Variants in CDH18 observed in about 807,000 individuals in gnomAD.
CDH18 encodes the protein cadherin 18.
A neutral mutation model predicts 67.9 loss-of-function variants in CDH18; 31 were observed. That is an observed-to-expected ratio of 0.46 (90% confidence interval 0.34 to 0.62). CDH18 has a LOEUF of 0.62. Ranked by LOEUF, CDH18 falls within the 20% of genes least tolerant of loss-of-function variation. The pLI is 0.01. For synonymous variants in CDH18, 362 were observed against 347.2 expected (o/e 1.04, Z -0.48); for missense variants, 890 against 975.5 (o/e 0.91, Z 1.17).
intron 1 of CDH18, among the ~76,000 whole-genome samples, chr5:20,505,059 G>T (rs975841471): frequency 2.0e-5 from 3 of 151,430 alleles, no homozygotes; most frequent in African/African-American, 2.4e-5. Flanking sequence ...CGGCCATCGC[G>T]CCTGGCCACA....
At chr5:19,680,293 C>T (rs923648740) in intron 5 of CDH18, among the ~76,000 whole-genome samples, 3 of 151,964 alleles carry the variant, frequency 2.0e-5, no homozygotes, top group African/African-American at 7.2e-5. Flanking sequence ...GAATTAAATA[C>T]TTAAATGTAA....
chr5:19,757,211 T>C, intron 3 of CDH18, among the ~76,000 whole-genome samples: 1 of 152,200 alleles, frequency 6.6e-6, no homozygotes, highest in Admixed American at 6.5e-5. Context: ...ATGGTAGTCT[T>C]GGCAAAAGCA....
intron 1 of CDH18, among the ~76,000 whole-genome samples, chr5:20,519,025 G>T (rs1348150831): frequency 2.6e-5 from 4 of 152,038 alleles, no homozygotes; most frequent in Non-Finnish European, 4.4e-5. Flanking sequence ...AACAGAAAAA[G>T]CCAAAAATGC....
intron 1 of CDH18, among the ~76,000 whole-genome samples, chr5:20,489,175 T>C (rs1419333813): frequency 1.3e-5 from 2 of 152,098 alleles, no homozygotes; most frequent in African/African-American, 4.8e-5. Flanking sequence ...ATTTTGATTT[T>C]GTAAACACAA....
intron 2 of CDH18, among the ~76,000 whole-genome samples, chr5:20,204,758 G>A (rs898920081): frequency 1.3e-5 from 2 of 151,858 alleles, no homozygotes; most frequent in South Asian, 4.1e-4. Flanking sequence ...AATTGTATGG[G>A]GGAGCTGAAG....
At chr5:20,408,465 A>G (rs1307984642) in intron 1 of CDH18, among the ~76,000 whole-genome samples, 1 of 152,018 alleles carries the variant, frequency 6.6e-6, no homozygotes, top group Non-Finnish European at 1.5e-5. Context: ...TTTTGAGGGA[A>G]GAAGTAAAAT....
At chr5:20,232,362 A>G (rs748280336) in intron 2 of CDH18, among the ~76,000 whole-genome samples, 1 of 152,168 alleles carries the variant, frequency 6.6e-6, no homozygotes, top group Non-Finnish European at 1.5e-5. Flanking sequence ...CTTATTTGAA[A>G]TAAACATAAC....
intron 1 of CDH18, among the ~76,000 whole-genome samples, chr5:20,360,541 A>T (rs1314110254): frequency 6.6e-6 from 1 of 152,166 alleles, no homozygotes; most frequent in East Asian, 1.9e-4. Context: ...GCAACATTTT[A>T]AATAAGACAC....
chr5:19,741,932 A>C (rs1769263794), intron 4 of CDH18, among the ~76,000 whole-genome samples: 1 of 152,202 alleles, frequency 6.6e-6, no homozygotes, highest in Non-Finnish European at 1.5e-5. Flanking sequence ...ACAACAAAGA[A>C]TTATCCAGTC....
chr5:19,611,949 CGT>C (rs3062879), intron 6 of CDH18, among the ~76,000 whole-genome samples: 11,623 of 138,968 alleles, frequency 0.084, 716 homozygotes, highest in East Asian at 0.24. Context: ...TTGGATGATG[CGT>C]GTGTGTGTGT....
intron 5 of CDH18, among the ~76,000 whole-genome samples, chr5:19,615,152 GA>G (rs10585212): frequency 0.65 from 93,724 of 144,408 alleles, 30,237 homozygotes; most frequent in South Asian, 0.75. Context: ...TCTCAAAAAA[GA>G]AAAAAAAAAA....
intron 5 of CDH18, among the ~76,000 whole-genome samples, chr5:19,626,314 A>T (rs557114790): frequency 6.6e-6 from 1 of 152,348 alleles, no homozygotes; most frequent in East Asian, 1.9e-4. Flanking sequence ...AAGGGCCTGA[A>T]GTCACTCAAG....
intron 3 of CDH18, among the ~76,000 whole-genome samples, chr5:19,775,385 A>G (rs1234513436): frequency 2.0e-5 from 3 of 152,050 alleles, no homozygotes; most frequent in Admixed American, 6.6e-5. Flanking sequence ...CAGGCTGTAC[A>G]GGAAGCATAG....
In CDH18 at chr5:19,624,027, G is replaced by A. The variant is rs553321595; in HGVS notation, c.644-11426C>T. 1.2e-4 allele frequency among the ~76,000 whole-genome samples: 13 copies of A among 104,686 alleles called. No individual in the cohort carries two copies. In the East Asian group the frequency reaches 3.8e-3, roughly 30 times the overall value. 68.7% of individuals were successfully genotyped at this position (104,686 alleles called of 152,430 possible). A position where few individuals can be genotyped will look rare whatever the true frequency, so the allele number is the denominator to read the frequency against. Reference sequence around the variant, plus strand: ...TTATTATTATTATTATTATTATTGAGATGGAGTTTCACTCTTGTTCCCCCA... The same window carrying A: ...TTATTATTATTATTATTATTATTGAAATGGAGTTTCACTCTTGTTCCCCCA... On this transcript the variant is annotated intron_variant, in intron 5 of 12. Transcript: ENST00000382275.
intron 1 of CDH18, among the ~76,000 whole-genome samples, chr5:20,270,443 C>T (rs1047221511): frequency 6.6e-6 from 1 of 152,086 alleles, no homozygotes; most frequent in Non-Finnish European, 1.5e-5. Context: ...CATAATTTCA[C>T]ACCAGTCAGA....
chr5:19,772,524 C>T (rs1773848755), intron 3 of CDH18, among the ~76,000 whole-genome samples: 1 of 152,138 alleles, frequency 6.6e-6, no homozygotes, highest in African/African-American at 2.4e-5. Context: ...ACAGAATCTC[C>T]TTTAGAGTCT....
At chr5:20,381,297 T>G (rs1743888648) in intron 1 of CDH18, among the ~76,000 whole-genome samples, 1 of 152,112 alleles carries the variant, frequency 6.6e-6, no homozygotes. Flanking sequence ...TACAGTAATA[T>G]ATGACCCATA....
intron 1 of CDH18, among the ~76,000 whole-genome samples, chr5:20,419,087 A>T (rs1431399628): frequency 6.6e-6 from 1 of 151,872 alleles, no homozygotes. Flanking sequence ...ATGCGGAGGT[A>T]ATTGAATCAA....
At chr5:19,497,191 T>C (rs1742490625) in intron 11 of CDH18, among the ~76,000 whole-genome samples, 1 of 151,924 alleles carries the variant, frequency 6.6e-6, no homozygotes, top group African/African-American at 2.4e-5. Flanking sequence ...TAGAAAAGGC[T>C]GACAATGATT....
Sources: gnomAD v4.1 joint callset for allele counts (sites outside exome capture counted in the v4.1 genomes callset) on GRCh38, gnomAD v4.1.1 for gene constraint, MANE v1.5 for transcripts, NCBI Gene and HGNC (gene_info 2026-07-23, HGNC 2026-07-21) for gene names.